The following LIMS1 variants were observed in gnomAD, a reference collection of about 807,000 sequenced individuals.
LIMS1 encodes LIM zinc finger domain containing 1, also known as LIM and senescent cell antigen-like-containing domain protein 1.
A neutral mutation model predicts 44.1 loss-of-function variants in LIMS1; 18 were observed. The ratio of observed to expected loss-of-function variants is 0.41; its 90% CI spans 0.28 to 0.61. The LOEUF (loss-of-function observed/expected upper bound fraction) is 0.61, where lower values mean the gene tolerates loss of function less well. Ranked by LOEUF, LIMS1 falls within the 20% of genes least tolerant of loss-of-function variation. The pLI, the probability that LIMS1 is intolerant of heterozygous loss-of-function variation, is 0.32. For missense variants in LIMS1, 201 were observed against 422.0 expected, an observed-to-expected ratio of 0.48 and a Z score of 4.59; for synonymous variants, 93 against 149.1, an observed-to-expected ratio of 0.62 and a Z score of 2.74.
At chr2:108,650,067 C>T (rs1349448474) in intron 1 of LIMS1, among the ~76,000 whole-genome samples, 1 of 150,892 alleles carries the variant, frequency 6.6e-6, no homozygotes, top group African/African-American at 2.4e-5. Flanking sequence ...ACCTAGCAGA[C>T]CTGCTATTCA....
At chr2:108,609,233 T>A (rs1687453570) in intron 1 of LIMS1, among the ~76,000 whole-genome samples, 1 of 152,146 alleles carries the variant, frequency 6.6e-6, no homozygotes, top group African/African-American at 2.4e-5. Context: ...CTTGTTTGAT[T>A]TTTTTCTTAG....
At chr2:108,681,262 C>T in intron 9 of LIMS1, 1 of 1,243,036 alleles carries the variant, frequency 8.0e-7, no homozygotes. Context: ...GATTGAAATA[C>T]AAGTATTTGT....
chr2:108,601,737 G>C (rs1263867669), intron 1 of LIMS1, among the ~76,000 whole-genome samples: 3 of 152,170 alleles, frequency 2.0e-5, no homozygotes, highest in Non-Finnish European at 4.4e-5. Flanking sequence ...GGCTGGTCTC[G>C]AACTCCTGAA....
intron 2 of LIMS1, among the ~76,000 whole-genome samples, chr2:108,667,124 C>A (rs1224411716): frequency 6.6e-6 from 1 of 152,098 alleles, no homozygotes; most frequent in Non-Finnish European, 1.5e-5. Flanking sequence ...CTGCCTTGGT[C>A]TTTCTGGTAA....
At chr2:108,557,615 C>A (rs1247684211) in intron 1 of LIMS1, among the ~76,000 whole-genome samples, 1 of 151,928 alleles carries the variant, frequency 6.6e-6, no homozygotes, top group South Asian at 2.1e-4. Context: ...CTCCCATGTT[C>A]AAGCAGTTCT....
At chr2:108,603,166 T>G (rs1213565515) in intron 1 of LIMS1, among the ~76,000 whole-genome samples, 1 of 152,202 alleles carries the variant, frequency 6.6e-6, no homozygotes, top group Non-Finnish European at 1.5e-5. Context: ...TTTGGAAGTA[T>G]TCCCCTCTCC....
exon 4 of LIMS1, chr2:108,672,375 C>T: frequency 7.8e-7 from 1 of 1,284,006 alleles, no homozygotes; most frequent in Non-Finnish European, 1.1e-6. Flanking sequence ...CAGCTGGCAT[C>T]CGGAGTGCTT....
chr2:108,637,097 A>ATGTG lies in LIMS1; in HGVS notation c.33-22507_33-22506insGTGT, dbSNP rs749792879. 5.2e-3 allele frequency among the ~76,000 whole-genome samples: 688 copies of ATGTG among 132,116 alleles called. 9 individuals are homozygous for ATGTG. Among genetic ancestry groups the ATGTG allele is most frequent in the Middle Eastern group, 0.031 (8 of 258 alleles). 86.7% of individuals were successfully genotyped at this position (132,116 alleles called of 152,430 possible). On this transcript the variant is annotated intron_variant, in intron 1 of 9. Coordinates refer to ENST00000544547, the Ensembl canonical transcript of LIMS1. ...TTTTTAAATTCAGCAAAATATACAT[A>ATGTG]TATGTGTGTGTGTGTGTGTGTGTGT...
chr2:108,647,554 GA>G (rs1222098388), intron 1 of LIMS1, among the ~76,000 whole-genome samples: 2 of 152,032 alleles, frequency 1.3e-5, no homozygotes, highest in Non-Finnish European at 2.9e-5. Context: ...ACATCAATGC[GA>G]AAATCCTCAA....
At chr2:108,551,620 ATATATGTG>A (rs953061439) in intron 1 of LIMS1, among the ~76,000 whole-genome samples, 2 of 142,546 alleles carry the variant, frequency 1.4e-5, no homozygotes, top group African/African-American at 5.4e-5. Context: ...ATATATATGT[ATATATGTG>A]TATATATATG....
chr2:108,573,073 A>G (rs1685540401), intron 1 of LIMS1, among the ~76,000 whole-genome samples: 2 of 152,262 alleles, frequency 1.3e-5, no homozygotes, highest in Admixed American at 6.5e-5. Context: ...TGTAAAAGAC[A>G]ATTAAAATGG....
At chr2:108,614,304 C>A (rs1242316255) in intron 1 of LIMS1, among the ~76,000 whole-genome samples, 2 of 152,188 alleles carry the variant, frequency 1.3e-5, no homozygotes, top group African/African-American at 4.8e-5. Context: ...CCACCCAGAC[C>A]CTGCCTAGGC....
chr2:108,614,054 C>T (rs1301355683), intron 1 of LIMS1, among the ~76,000 whole-genome samples: 2 of 152,204 alleles, frequency 1.3e-5, no homozygotes, highest in Admixed American at 6.5e-5. Context: ...GTTAGACGCT[C>T]ACTAAAGGTG....
intron 1 of LIMS1, among the ~76,000 whole-genome samples, chr2:108,637,119 G>A (rs1201977940): frequency 1.3e-5 from 2 of 150,898 alleles, no homozygotes; most frequent in African/African-American, 4.9e-5. Context: ...GTGTGTGTGT[G>A]TGTGTGTGTG....
chr2:108,534,854 A>G (rs1406987035), intron 1 of LIMS1, among the ~76,000 whole-genome samples: 5 of 152,160 alleles, frequency 3.3e-5, no homozygotes, highest in African/African-American at 4.8e-5. Flanking sequence ...CGAGAGTTCC[A>G]TAAGACAAAT....
At chr2:108,616,015 G>C (rs1487503453) in intron 1 of LIMS1, among the ~76,000 whole-genome samples, 1 of 152,004 alleles carries the variant, frequency 6.6e-6, no homozygotes, top group Non-Finnish European at 1.5e-5. Context: ...ACGTGGGATT[G>C]GATAGGTTAC....
At chr2:108,550,133 A>G (rs934446066) in intron 1 of LIMS1, among the ~76,000 whole-genome samples, 2 of 152,196 alleles carry the variant, frequency 1.3e-5, no homozygotes, top group African/African-American at 2.4e-5. Context: ...AACTATAAAT[A>G]TGGTATGATT....
intron 1 of LIMS1, among the ~76,000 whole-genome samples, chr2:108,625,588 A>C (rs1438720909): frequency 6.2e-5 from 9 of 146,274 alleles, no homozygotes; most frequent in East Asian, 4.1e-4. Flanking sequence ...CCCCCCCCCC[A>C]AAAAAATGCA....
intron 1 of LIMS1, among the ~76,000 whole-genome samples, chr2:108,639,297 A>G (rs950044994): frequency 6.6e-6 from 1 of 152,188 alleles, no homozygotes; most frequent in Non-Finnish European, 1.5e-5. Flanking sequence ...TCAGGAGAAA[A>G]AAAAGGGACA....
Sources: gnomAD v4.1 joint callset for allele counts (sites outside exome capture counted in the v4.1 genomes callset) on GRCh38, gnomAD v4.1.1 for gene constraint, MANE v1.5 for transcripts, NCBI Gene and HGNC (gene_info 2026-07-23, HGNC 2026-07-21) for gene names.